PEX11G: variants seen among roughly 807,000 people sequenced by gnomAD.
PEX11G encodes peroxisomal membrane protein 11C.
Under a neutral mutation model 22.5 loss-of-function variants are expected in PEX11G, and 20 were observed. The observed-to-expected ratio is 0.89, with a 90% CI of 0.62 to 1.29. The LOEUF is 1.29. Ranked by LOEUF, PEX11G falls within the 50% of genes most tolerant of loss-of-function variation. The probability of loss-of-function intolerance (pLI) is 0.00; values close to 1 mark genes in which losing one functional copy is unlikely to be tolerated. For missense variants in PEX11G, 347 were observed against 331.3 expected (o/e 1.05, Z -0.37); for synonymous variants, 141 against 154.5 (o/e 0.91, Z 0.65).
chr19:7,484,075 G>T (rs1977634239), intron 2 of PEX11G, among the ~76,000 whole-genome samples: 1 of 152,166 alleles, frequency 6.6e-6, no homozygotes, highest in Non-Finnish European at 1.5e-5. Flanking sequence ...ATGATCTGTG[G>T]CCAGGCGCGG....
upstream of PEX11G, chr19:7,489,356 AGTG>A (rs1469758656): frequency 4.6e-6 from 5 of 1,091,324 alleles, no homozygotes; most frequent in Non-Finnish European, 5.6e-6. Context: ...ACCTGTTCGC[AGTG>A]GTTCAAGGAG....
intron 3 of PEX11G, among the ~76,000 whole-genome samples, chr19:7,480,719 G>A (rs1183860046): frequency 6.6e-6 from 1 of 152,060 alleles, no homozygotes; most frequent in Non-Finnish European, 1.5e-5. Context: ...CCTCGACCAG[G>A]GACAAGCAAA....
At chr19:7,486,228 G>A (rs112555564) in intron 1 of PEX11G, among the ~76,000 whole-genome samples, 22,770 of 152,142 alleles carry the variant, frequency 0.15, 1,815 homozygotes, top group Non-Finnish European at 0.19. Flanking sequence ...CCATGTTCAA[G>A]CAATTCTTGT....
upstream of PEX11G, among the ~76,000 whole-genome samples, chr19:7,491,991 A>G (rs2021898434): frequency 6.6e-6 from 1 of 152,200 alleles, no homozygotes; most frequent in African/African-American, 2.4e-5. Flanking sequence ...TCTAAGTTGC[A>G]GCATGTATCA....
At chr19:7,489,750 A>G (rs2021833518), upstream of PEX11G, among the ~76,000 whole-genome samples, 2 of 152,180 alleles carry the variant, frequency 1.3e-5, no homozygotes, top group Admixed American at 6.5e-5. Context: ...GATTTGCCTC[A>G]AAGCAGGACC....
chr19:7,487,653 C>T (rs2021723157), intron 1 of PEX11G, among the ~76,000 whole-genome samples: 1 of 152,170 alleles, frequency 6.6e-6, no homozygotes. Flanking sequence ...AACTCCTGAG[C>T]TCAGACAATC....
intron 1 of PEX11G, among the ~76,000 whole-genome samples, chr19:7,488,135 C>T (rs3745356): frequency 0.33 from 49,884 of 152,120 alleles, 8,291 homozygotes; most frequent in South Asian, 0.36. Context: ...TACAGTGGCC[C>T]GGTCAGATCC....
At chr19:7,481,785 G>C (rs1246532640) in intron 3 of PEX11G, among the ~76,000 whole-genome samples, 2 of 141,082 alleles carry the variant, frequency 1.4e-5, no homozygotes, top group Non-Finnish European at 3.2e-5. Context: ...CTGACTTCCA[G>C]CCTTCAGAAT....
rs1365035673 is a variant in PEX11G, at chr19:7,482,224, G to C, written c.250-13C>G. 6.5e-7 allele frequency: 1 copy of C among 1,550,284 alleles called. No homozygotes were observed. The highest frequency in any genetic ancestry group is 1.4e-5 in the African/African-American group (1 of 73,192). On this transcript the variant is annotated splice_polypyrimidine_tract_variant and intron_variant, in intron 2 of 4. Transcript: ENST00000221480. ...AGGCGTCCTCCTCCTGCAGGACCAG[G>C]AGCAGAGGGGGCCTAGGGTCAGACT...
intron 1 of PEX11G, 66 bp from the exon 2 acceptor site, chr19:7,486,092 T>A (rs2021642277): frequency 7.1e-7 from 1 of 1,403,444 alleles, no homozygotes; most frequent in African/African-American, 1.4e-5. Flanking sequence ...CATCCCCCCA[T>A]ACCTGGCCCC....
intron 2 of PEX11G, among the ~76,000 whole-genome samples, chr19:7,482,492 A>G (rs975648306): frequency 3.3e-5 from 5 of 152,110 alleles, no homozygotes; most frequent in Admixed American, 6.5e-5. Context: ...CCCATGCCCA[A>G]TGCCAGCCGT....
intron 3 of PEX11G, among the ~76,000 whole-genome samples, chr19:7,479,717 G>A (rs376067325): frequency 2.0e-5 from 3 of 151,354 alleles, no homozygotes; most frequent in African/African-American, 4.8e-5. Flanking sequence ...TTCGATGGCC[G>A]TGAAACAATT....
chr19:7,485,165 ATTTT>A (rs1423284118), intron 2 of PEX11G, among the ~76,000 whole-genome samples: 1 of 146,292 alleles, frequency 6.8e-6, no homozygotes, highest in African/African-American at 2.8e-5. Flanking sequence ...TATAAAAAAA[ATTTT>A]TTTTGTTTGT....
At chr19:7,493,448 G>T (rs948646979), upstream of PEX11G, among the ~76,000 whole-genome samples, 21 of 151,842 alleles carry the variant, frequency 1.4e-4, no homozygotes, top group African/African-American at 3.6e-4. Context: ...ACCCACTTCG[G>T]CCTCCCAAAC....
rs143480949 is a variant in PEX11G at position 7,481,933 on chromosome 19, C to T, written c.428+100G>A. ...AAAACTCTAAGAGGCAAAGACCCAC[C>T]GCAGTCTGAAGCCTGTGCTGTTGCT... On this transcript the variant is annotated intron_variant, in intron 3 of 4. Transcript: ENST00000221480. 1.1e-3 allele frequency: 1,348 copies of T among 1,221,152 alleles called. 20 individuals are homozygous for T. The African/African-American group carries it at 0.019, about 17-fold the overall frequency. The allele number at this position is 1,221,152 out of a possible 1,614,324, so 75.6% of individuals were successfully genotyped here. A position where few individuals can be genotyped will look rare whatever the true frequency, so the allele number is the denominator to read the frequency against.
At chr19:7,482,262 A>G (rs1228503533) in intron 2 of PEX11G, 51 bp from the exon 3 acceptor site, 2 of 1,489,702 alleles carry the variant, frequency 1.3e-6, no homozygotes, top group Non-Finnish European at 1.8e-6. Flanking sequence ...CCCACTGCCC[A>G]TTTTAGCACC....
chr19:7,489,602 G>A (rs2021830062), upstream of PEX11G: 13 of 751,622 alleles, frequency 1.7e-5, no homozygotes, highest in South Asian at 3.0e-4. Flanking sequence ...TGCTAGTTTC[G>A]GGGTATTTTT....
In PEX11G at chr19:7,488,994, C is replaced by T. The variant is rs1445563674; in HGVS notation, c.17G>A (p.Gly6Asp). Residue 6 changes from glycine (G) to aspartate (D), a missense_variant, in exon 1 of 5, where the codon GGC becomes GAC. By Grantham distance (94) the Gly-to-Asp change is moderately conservative. Transcript: ENST00000221480. ...GTACGACTCCAGCGCCGACGCCAGG[C>T]CGCTCAGCGACGCCATGGCAACTCC... Reference protein sequence around the residue: MASLSGLASALESYRG... With the variant: MASLSDLASALESYRG... 2 of 1,545,002 alleles carry T rather than the reference C, an allele frequency of 1.3e-6. No individual in the cohort carries two copies. Among genetic ancestry groups the T allele is most frequent in the Non-Finnish European group, 1.7e-6 (2 of 1,148,638 alleles).
intron 1 of PEX11G, among the ~76,000 whole-genome samples, chr19:7,487,848 C>A (rs1202360230): frequency 1.3e-5 from 2 of 152,150 alleles, no homozygotes; most frequent in Non-Finnish European, 2.9e-5. Flanking sequence ...ATGTTCAACT[C>A]GGGGGAGATT....
Sources: allele counts gnomAD v4.1 joint callset (sites outside exome capture counted in the v4.1 genomes callset), GRCh38; gene constraint gnomAD v4.1.1; transcripts MANE v1.5; gene names NCBI Gene and HGNC (gene_info 2026-07-23, HGNC 2026-07-21).